The following ABR variants were observed in gnomAD, a reference collection of about 807,000 sequenced individuals.
ABR encodes ABR activator of RhoGEF and GTPase.
ABR carries 35 observed loss-of-function variants against 107.2 expected under a neutral mutation model. That is an observed-to-expected ratio of 0.33 (90% CI 0.25 to 0.43). ABR has a LOEUF of 0.43. ABR is among the 20% of genes least tolerant of loss of function. ABR has a pLI of 1.00. For missense variants in ABR, 815 were observed against 1,115.2 expected (o/e 0.73, Z 3.83); for synonymous variants, 498 against 462.0 (o/e 1.08, Z -1.00).
upstream of ABR, among the ~76,000 whole-genome samples, chr17:1,182,897 A>G (rs763411524): frequency 5.3e-5 from 8 of 152,164 alleles, no homozygotes; most frequent in Non-Finnish European, 1.0e-4. Context: ...CTTCCAGTAG[A>G]TGTTAACACC....
intron 10 of ABR, among the ~76,000 whole-genome samples, chr17:1,061,320 G>A (rs1468494111): frequency 6.6e-6 from 1 of 152,202 alleles, no homozygotes; most frequent in African/African-American, 2.4e-5. Flanking sequence ...ACTGTGGGCA[G>A]GGCCCAGCCG....
At chr17:1,020,734 TC>T (rs1440382583) in intron 16 of ABR, among the ~76,000 whole-genome samples, 1 of 152,154 alleles carries the variant, frequency 6.6e-6, no homozygotes, top group Non-Finnish European at 1.5e-5. Context: ...CAGAGGGTGC[TC>T]CACGCACACC....
At chr17:1,153,488 A>AGGGCTGGGGATCCAGGCACACCTG (rs2040895024) in intron 1 of ABR, among the ~76,000 whole-genome samples, 1 of 35,002 alleles carries the variant, frequency 2.9e-5, no homozygotes, top group Non-Finnish European at 5.7e-5. Context: ...AGGCACACCT[A>AGGGCTGGGGATCCAGGCACACCTG]CGGGAGGGCT....
intron 2 of ABR, among the ~76,000 whole-genome samples, chr17:1,101,858 C>T (rs1419217215): frequency 2.6e-5 from 4 of 152,012 alleles, no homozygotes; most frequent in South Asian, 2.1e-4. Context: ...CTCAGCCTCC[C>T]GAGTAGCTGG....
intron 6 of ABR, among the ~76,000 whole-genome samples, chr17:1,077,617 A>G (rs1050669715): frequency 3.9e-5 from 6 of 152,130 alleles, no homozygotes; most frequent in African/African-American, 1.4e-4. Context: ...GGCCCCACAC[A>G]GCCCCTCCAG....
rs1236679473 is a variant in ABR at position 1,169,992 on chromosome 17, T to TTG, written c.61+9673_61+9674dup. On this transcript the variant is annotated intron_variant, in intron 1 of 22. Coordinates refer to ENST00000302538, the MANE Select transcript of ABR (RefSeq NM_021962.5). The stretch of plus-strand genomic sequence containing the variant: ...TGGGGGGGTGTGTTTGTGTTTGTGT[T>TTG]TGTGTGTGTGTGTGTGGGGGGGGGG... Among the ~76,000 whole-genome samples, 99 of 132,598 alleles carry TTG rather than the reference T, an allele frequency of 7.5e-4. 1 individual carries two copies. The highest frequency in any genetic ancestry group is 2.2e-3 in the African/African-American group (74 of 33,694). 87.0% of individuals were successfully genotyped at this position (132,598 alleles called of 152,430 possible).
rs1472041512 is a variant in ABR, at chr17:1,229,417, C to CGCGG, written c.213_214insCCGC (p.Gly72ProfsTer224). Among the ~76,000 whole-genome samples the CGCGG allele has an allele frequency of 6.6e-6, 1 of 150,858 alleles. No individual in the cohort carries two copies. The highest frequency in any genetic ancestry group is 2.1e-4 in the South Asian group (1 of 4,788). On this transcript the variant is annotated frameshift_variant, in exon 1 of 23. Coordinates refer to the ABR transcript ENST00000574139. LOFTEE classifies it high-confidence loss of function. Reference sequence around the variant, plus strand: ...TCGGGGTCGGGGCGCCCGGGCTCCCCGGAGTCTCCGCCGCCGCCCCGGGCC... The same window carrying CGCGG: ...TCGGGGTCGGGGCGCCCGGGCTCCCCGCGGGGAGTCTCCGCCGCCGCCCCGGGCC...
intron 1 of ABR, among the ~76,000 whole-genome samples, chr17:1,142,954 G>T (rs1597956858): frequency 2.6e-5 from 4 of 151,452 alleles, no homozygotes; most frequent in Admixed American, 2.6e-4. Context: ...GCTCACTCCT[G>T]GGAGGAAGCT....
chr17:1,176,653 C>T (rs1436047913), intron 1 of ABR, among the ~76,000 whole-genome samples: 1 of 152,122 alleles, frequency 6.6e-6, no homozygotes, highest in Non-Finnish European at 1.5e-5. Context: ...CGAGACCAGC[C>T]TGACCAATAT....
intron 1 of ABR, among the ~76,000 whole-genome samples, chr17:1,201,655 A>T (rs771775106): frequency 6.7e-6 from 1 of 150,192 alleles, no homozygotes; most frequent in Non-Finnish European, 1.5e-5. Flanking sequence ...GACAGTGCAG[A>T]GGTAGCTTAC....
intron 1 of ABR, among the ~76,000 whole-genome samples, chr17:1,185,432 GT>G (rs2042255788): frequency 6.6e-6 from 1 of 152,062 alleles, no homozygotes; most frequent in Non-Finnish European, 1.5e-5. Flanking sequence ...GTCACCTGAG[GT>G]CAGGAGTTCG....
chr17:1,203,132 C>T (rs1253823209), intron 1 of ABR, among the ~76,000 whole-genome samples: 1 of 152,128 alleles, frequency 6.6e-6, no homozygotes, highest in African/African-American at 2.4e-5. Flanking sequence ...GTGATCCGCC[C>T]GCCTCGGCCT....
intron 1 of ABR, among the ~76,000 whole-genome samples, chr17:1,136,401 G>A (rs2040069502): frequency 8.6e-6 from 1 of 116,364 alleles, no homozygotes; most frequent in African/African-American, 2.9e-5. Context: ...GCTGATTTTT[G>A]TATTTTTAGT....
chr17:1,072,680 G>A lies in ABR; in HGVS notation c.828C>T (p.Asn276=), dbSNP rs778304803. 1 of 1,613,682 alleles carries A rather than the reference G, an allele frequency of 6.2e-7. No homozygotes were observed. Among genetic ancestry groups the A allele is most frequent in the Non-Finnish European group, 8.5e-7 (1 of 1,179,826 alleles). The change falls in exon 8 of 23, where the codon AAC becomes AAT. Residue 276 remains asparagine, a synonymous_variant. Coordinates refer to ENST00000302538, the MANE Select transcript of ABR (RefSeq NM_021962.5). ...TGTCCTCGTTGATGCTGGACAGGAA[G>A]TTCTGGGAGATGCGGAGGGCATCCT... ...LLQDALRISQ[N]FLSSINEDID...
upstream of ABR, among the ~76,000 whole-genome samples, chr17:1,191,349 CTTTTCTTTTTTTTT>C (rs1345770276): frequency 2.0e-5 from 2 of 98,078 alleles, no homozygotes; most frequent in African/African-American, 6.9e-5. Flanking sequence ...CAGCATTTTT[CTTTTCTTTTTTTTT>C]TTTTTTTTTT....
At chr17:1,018,321 C>T (rs187941280) in intron 16 of ABR, among the ~76,000 whole-genome samples, 59 of 152,248 alleles carry the variant, frequency 3.9e-4, no homozygotes, top group South Asian at 3.7e-3. Flanking sequence ...GGATTACGGG[C>T]GTGAGCCACC....
intron 1 of ABR, among the ~76,000 whole-genome samples, chr17:1,220,978 T>C (rs769505018): frequency 4.6e-5 from 7 of 152,162 alleles, no homozygotes; most frequent in Non-Finnish European, 7.3e-5. Flanking sequence ...GCTACTGCCT[T>C]GCACAGGGCC....
chr17:1,158,178 A>C (rs1331800593), intron 1 of ABR, among the ~76,000 whole-genome samples: 1 of 152,108 alleles, frequency 6.6e-6, no homozygotes, highest in African/African-American at 2.4e-5. Context: ...AAAAACATAA[A>C]TTTAACCAGA....
At chr17:1,159,674 C>T (rs62069458) in intron 1 of ABR, among the ~76,000 whole-genome samples, 135 of 28,880 alleles carry the variant, frequency 4.7e-3, no homozygotes, top group African/African-American at 1.0e-2. Context: ...AGTAAGAATG[C>T]GGTACTCACA....
Sources: allele counts gnomAD v4.1 joint callset (sites outside exome capture counted in the v4.1 genomes callset), GRCh38; gene constraint gnomAD v4.1.1; transcripts MANE v1.5; gene names NCBI Gene and HGNC (gene_info 2026-07-23, HGNC 2026-07-21).